Variants in KATNBL1 observed in about 807,000 individuals in gnomAD.
KATNBL1 encodes the protein katanin regulatory subunit B1 like 1.
A neutral mutation model predicts 44.7 loss-of-function variants in KATNBL1; 28 were observed. The ratio of observed to expected loss-of-function variants is 0.63; its 90% confidence interval spans 0.46 to 0.86. The LOEUF (loss-of-function observed/expected upper bound fraction) is 0.86, where lower values mean the gene tolerates loss of function less well. Among genes scored for constraint, KATNBL1 ranks in the 40% least tolerant of loss-of-function variants. KATNBL1 has a pLI of 0.00. For synonymous variants in KATNBL1, 78 were observed against 114.9 expected (o/e 0.68, Z 2.06); for missense variants, 272 against 350.7 (o/e 0.78, Z 1.79).
At chr15:34,145,708 GT>G (rs1888287693) in intron 8 of KATNBL1, 1 of 277,276 alleles carries the variant, frequency 3.6e-6, no homozygotes, top group African/African-American at 2.2e-5. Flanking sequence ...AAAATTAAAG[GT>G]TTATCCACAT....
chr15:34,172,841 G>C (rs59635553), intron 1 of KATNBL1, among the ~76,000 whole-genome samples: 49,769 of 151,342 alleles, frequency 0.33, 8,581 homozygotes, highest in African/African-American at 0.45. Flanking sequence ...TGTTTCCAAA[G>C]AACTGTATGT....
intron 1 of KATNBL1, among the ~76,000 whole-genome samples, chr15:34,175,113 A>AACACACACAC (rs71119940): frequency 8.4e-5 from 12 of 143,660 alleles, no homozygotes; most frequent in African/African-American, 3.1e-4. Context: ...TAAAATAAGC[A>AACACACACAC]ACACACACAC....
chr15:34,165,109 A>G (rs1198780065), intron 1 of KATNBL1, among the ~76,000 whole-genome samples: 3 of 152,358 alleles, frequency 2.0e-5, no homozygotes, highest in African/African-American at 7.2e-5. Context: ...CAATAATACA[A>G]TAAGTACTCT....
At position 34,191,378 on chromosome 15, in the gene KATNBL1, T is replaced by C. The variant is rs545349514; in HGVS notation, c.-15+18573A>G. On this transcript the variant is annotated intron_variant, in intron 1 of 9. Coordinates refer to ENST00000256544, the MANE Select transcript of KATNBL1 (RefSeq NM_024713.3). ...GGGTTGTTTCCATTTTTCACTATTA[T>C]TAGTAAAATTACTGTAAGTCATGTA... 7.9e-5 allele frequency among the ~76,000 whole-genome samples: 12 copies of C among 152,110 alleles called. No homozygotes were observed. In the South Asian group the frequency reaches 1.9e-3, roughly 24 times the overall value.
intron 1 of KATNBL1, among the ~76,000 whole-genome samples, chr15:34,182,393 T>C (rs888428794): frequency 6.6e-6 from 1 of 152,188 alleles, no homozygotes; most frequent in African/African-American, 2.4e-5. Flanking sequence ...AATTACGGTG[T>C]TCTGGAAGGC....
rs1415690615 is a variant in KATNBL1 at position 34,148,663 on chromosome 15, T to C, written c.526A>G (p.Ser176Gly). ...AAATAAGCTACAAGTTCACTTATAC[T>C]TCTCTTTCTCCAGAAAGTTAAAGCT... ...NVALTFWRKR[S>G]ISELVAYLLR... is the part of the protein sequence containing the mutation. Residue 176 changes from serine (S) to glycine (G), a missense_variant, in exon 5 of 10, where the codon AGT becomes GGT. Transcript: ENST00000256544. 6.2e-7 allele frequency: 1 copy of C among 1,604,280 alleles called. No homozygotes were observed. The highest frequency in any genetic ancestry group is 8.5e-7 in the Non-Finnish European group (1 of 1,171,228).
intron 1 of KATNBL1, among the ~76,000 whole-genome samples, chr15:34,196,729 AAAAG>A (rs568143095): frequency 1.1e-4 from 16 of 152,218 alleles, no homozygotes; most frequent in East Asian, 3.9e-4. Context: ...CTCCGTCTCA[AAAAG>A]AAAGAAAGAA....
At chr15:34,165,464 C>G (rs1888937031) in intron 1 of KATNBL1, among the ~76,000 whole-genome samples, 1 of 152,142 alleles carries the variant, frequency 6.6e-6, no homozygotes, top group Admixed American at 6.6e-5. Context: ...AGGAGAAGTT[C>G]AGGTGATGGC....
At position 34,147,233 on chromosome 15, in the gene KATNBL1, A is replaced by G; in HGVS notation, c.665T>C (p.Leu222Pro). 1.9e-6 allele frequency: 3 copies of G among 1,611,670 alleles called. No homozygotes were observed. Among genetic ancestry groups the G allele is most frequent in the Non-Finnish European group, 2.5e-6 (3 of 1,178,594 alleles). Reference sequence around the variant, plus strand: ...TTTGCTTTTAAGTAGTGACTTTACTAGAGGCAACAAGTCAACACAGCAGCC... The same window carrying G: ...TTTGCTTTTAAGTAGTGACTTTACTGGAGGCAACAAGTCAACACAGCAGCC... ...SLGCCVDLLP[L>P]VKSLLKSKFE... is the part of the protein sequence containing the mutation. Residue 222 changes from leucine (L) to proline (P), a missense_variant, in exon 7 of 10, where the codon CTA (leucine) becomes CCA (proline). By Grantham distance (98) the Leu-to-Pro change is moderately conservative. Transcript: ENST00000256544.
At chr15:34,160,342 A>G (rs1355214855) in intron 2 of KATNBL1, among the ~76,000 whole-genome samples, 3 of 151,990 alleles carry the variant, frequency 2.0e-5, no homozygotes, top group African/African-American at 7.2e-5. Context: ...CTCTTCTTAC[A>G]TATACTTTTT....
chr15:34,189,584 C>G lies in KATNBL1; in HGVS notation c.-15+20367G>C. ...TATCACAAAATATGATCATAGGTCACTATAAAATAGTCATTCATTTAACCA... is the reference window on the plus strand; with the variant it reads ...TATCACAAAATATGATCATAGGTCAGTATAAAATAGTCATTCATTTAACCA... On this transcript the variant is annotated intron_variant, in intron 1 of 9. Transcript: ENST00000256544. Among the ~76,000 whole-genome samples the G allele has an allele frequency of 1.3e-5, 2 of 152,212 alleles. 1 individual carries two copies. The highest frequency in any genetic ancestry group is 4.2e-4 in the South Asian group (2 of 4,806).
Position 34,145,264 on chromosome 15 carries a change from GA to G in KATNBL1, c.882+133del, listed in dbSNP as rs772753403. On this transcript the variant is annotated intron_variant, in intron 9 of 9. Transcript: ENST00000256544. ...TACACGCAGAGGACCTGAAGCATTT[GA>G]AAATATGAAATTGACTTTAGACATT... The G allele has an allele frequency of 2.1e-6, 3 of 1,424,460 alleles. No homozygotes were observed. The South Asian group carries it at 3.7e-5, about 18-fold the overall frequency. 88.2% of individuals were successfully genotyped at this position (1,424,460 alleles called of 1,614,324 possible).
At chr15:34,184,899 G>A (rs1889677638) in intron 1 of KATNBL1, among the ~76,000 whole-genome samples, 1 of 151,746 alleles carries the variant, frequency 6.6e-6, no homozygotes, top group Admixed American at 6.6e-5. Flanking sequence ...AAAACAAAAT[G>A]TTTCTTCTAA....
chr15:34,198,927 G>A (rs745729686), intron 1 of KATNBL1, among the ~76,000 whole-genome samples: 1 of 152,142 alleles, frequency 6.6e-6, no homozygotes, highest in Non-Finnish European at 1.5e-5. Context: ...TTTTGCACTC[G>A]TTTAATCCCA....
rs934783696 is a variant in KATNBL1, at chr15:34,187,704, T to C, written c.-15+22247A>G. Among the ~76,000 whole-genome samples the C allele has an allele frequency of 2.0e-5, 3 of 152,168 alleles. No individual in the cohort carries two copies. In the South Asian group the frequency reaches 6.2e-4, roughly 32 times the overall value. ...ATTGTCCACATAGCCTCTCCTAAAA[T>C]GGTTTTGTTGGAACCTATCATAAGG... is the stretch of plus-strand genomic sequence containing the variant. On this transcript the variant is annotated intron_variant, in intron 1 of 9. Coordinates refer to ENST00000256544, the MANE Select transcript of KATNBL1 (RefSeq NM_024713.3).
chr15:34,159,829 A>C (rs1408527129), intron 2 of KATNBL1, among the ~76,000 whole-genome samples: 1 of 152,174 alleles, frequency 6.6e-6, no homozygotes, highest in African/African-American at 2.4e-5. Context: ...ATCAGTTTTT[A>C]TATTTCACTT....
chr15:34,160,053 C>T (rs932102202), intron 2 of KATNBL1, among the ~76,000 whole-genome samples: 3 of 152,096 alleles, frequency 2.0e-5, no homozygotes, highest in African/African-American at 7.2e-5. Flanking sequence ...AAGATATAGC[C>T]CCTGACTTCC....
chr15:34,150,347 T>C (rs963683357), intron 4 of KATNBL1, among the ~76,000 whole-genome samples: 1 of 152,180 alleles, frequency 6.6e-6, no homozygotes, highest in African/African-American at 2.4e-5. Context: ...TCCCAGCACT[T>C]TGGGCTGGGG....
chr15:34,173,113 A>C (rs1394510503), intron 1 of KATNBL1, among the ~76,000 whole-genome samples: 1 of 149,144 alleles, frequency 6.7e-6, no homozygotes, highest in Non-Finnish European at 1.5e-5. Flanking sequence ...ACATAGGAAG[A>C]AAAAAAAAAC....
Sources: gnomAD v4.1 joint callset for allele counts (sites outside exome capture counted in the v4.1 genomes callset) on GRCh38, gnomAD v4.1.1 for gene constraint, MANE v1.5 for transcripts, NCBI Gene and HGNC (gene_info 2026-07-23, HGNC 2026-07-21) for gene names.